Variants in KDM2A observed in about 807,000 individuals in gnomAD.
The protein encoded by KDM2A is lysine-specific demethylase 2A.
KDM2A carries 3 observed loss-of-function variants against 137.3 expected under a neutral mutation model. That is an observed-to-expected ratio of 0.02 (90% CI 0.01 to 0.06). KDM2A has a LOEUF of 0.06. Ranked by LOEUF, KDM2A falls within the 10% of genes least tolerant of loss-of-function variation. KDM2A has a pLI of 1.00. For synonymous variants in KDM2A, 512 were observed against 541.5 expected (o/e 0.95, Z 0.76); for missense variants, 738 against 1,510.6 (o/e 0.49, Z 8.48).
At chr11:67,181,259 TG>T in intron 3 of KDM2A, 60 bp from the exon 4 acceptor site, 1 of 1,064,464 alleles carries the variant, frequency 9.4e-7, no homozygotes, top group Non-Finnish European at 1.4e-6. Context: ...ATCCTTTTTA[TG>T]GTCCTTTTAT....
chr11:67,237,735 G>C (rs1858912018), intron 12 of KDM2A, among the ~76,000 whole-genome samples: 1 of 151,782 alleles, frequency 6.6e-6, no homozygotes, highest in African/African-American at 2.4e-5. Flanking sequence ...ATCACTTAAG[G>C]CCAGGAGTTC....
At chr11:67,122,818 G>C (rs190705459) in intron 2 of KDM2A, among the ~76,000 whole-genome samples, 99 of 151,788 alleles carry the variant, frequency 6.5e-4, no homozygotes, top group African/African-American at 2.2e-3. Context: ...TGGGACTATC[G>C]GCGCCCACCA....
intron 5 of KDM2A, chr11:67,196,836 GCTC>G (rs891918859): frequency 1.2e-5 from 2 of 167,078 alleles, no homozygotes; most frequent in Non-Finnish European, 2.6e-5. Flanking sequence ...ACTGAACTGT[GCTC>G]CTAAAAATGG....
chr11:67,237,172 G>A (rs2136435305), intron 12 of KDM2A, among the ~76,000 whole-genome samples: 1 of 152,278 alleles, frequency 6.6e-6, no homozygotes, highest in South Asian at 2.1e-4. Context: ...TATTTGTGAT[G>A]TAATAGGCTA....
At chr11:67,154,960 A>T (rs995535139) in intron 2 of KDM2A, among the ~76,000 whole-genome samples, 11 of 152,220 alleles carry the variant, frequency 7.2e-5, no homozygotes, top group African/African-American at 1.4e-4. Context: ...AGCTACTGTG[A>T]ATAGTGCTGC....
intron 2 of KDM2A, among the ~76,000 whole-genome samples, chr11:67,121,951 A>G (rs902364174): frequency 3.9e-5 from 6 of 152,174 alleles, no homozygotes; most frequent in African/African-American, 1.4e-4. Flanking sequence ...GAAATTTTAG[A>G]CATGATTTGA....
At chr11:67,226,778 A>G (rs1858559304) in intron 10 of KDM2A, among the ~76,000 whole-genome samples, 1 of 152,168 alleles carries the variant, frequency 6.6e-6, no homozygotes, top group African/African-American at 2.4e-5. Flanking sequence ...ATGTTTATGT[A>G]AAATTAAATG....
chr11:67,166,852 G>A (rs1163962742), intron 2 of KDM2A, among the ~76,000 whole-genome samples: 5 of 152,102 alleles, frequency 3.3e-5, no homozygotes, highest in African/African-American at 1.2e-4. Flanking sequence ...CAAGGCGGGC[G>A]GATCACTTGA....
chr11:67,248,209 C>T lies in KDM2A; in HGVS notation c.1966-72C>T, dbSNP rs968638671. ...TGTTGTTGAGAAATGAGTAACTCTTCCCAACTGTGTTATTGTTGGATAAAG... is the reference window on the plus strand; with the variant it reads ...TGTTGTTGAGAAATGAGTAACTCTTTCCAACTGTGTTATTGTTGGATAAAG... On this transcript the variant is annotated intron_variant, in intron 15 of 20. Transcript: ENST00000529006. The T allele has an allele frequency of 3.6e-6, 4 of 1,119,866 alleles. No individual in the cohort carries two copies. In the African/African-American group the frequency reaches 4.6e-5, roughly 13 times the overall value. 69.4% of individuals were successfully genotyped at this position (1,119,866 alleles called of 1,614,324 possible). A position where few individuals can be genotyped will look rare whatever the true frequency, so the allele number is the denominator to read the frequency against.
At chr11:67,234,357 A>G (rs962673434) in intron 12 of KDM2A, among the ~76,000 whole-genome samples, 1 of 152,236 alleles carries the variant, frequency 6.6e-6, no homozygotes, top group Non-Finnish European at 1.5e-5. Context: ...CTGCAGAGAA[A>G]GGAATTGTTT....
intron 9 of KDM2A, 21 bp from the exon 10 acceptor site, chr11:67,219,267 C>T (rs1458036281): frequency 2.3e-6 from 3 of 1,327,268 alleles, no homozygotes; most frequent in Non-Finnish European, 3.2e-6. Flanking sequence ...CAGCCACTGC[C>T]CTCTGTTCCC....
intron 6 of KDM2A, among the ~76,000 whole-genome samples, chr11:67,211,977 A>C (rs752748576): frequency 1.3e-5 from 2 of 152,132 alleles, no homozygotes; most frequent in Non-Finnish European, 2.9e-5. Context: ...CATTTATATA[A>C]ACTATAGTAT....
intron 6 of KDM2A, among the ~76,000 whole-genome samples, chr11:67,211,149 A>G (rs1857966130): frequency 2.0e-5 from 3 of 152,086 alleles, no homozygotes; most frequent in Non-Finnish European, 4.4e-5. Context: ...CCCATAGTAT[A>G]TCCCTTCATT....
chr11:67,245,818 A>G lies in KDM2A; in HGVS notation c.1834-167A>G. ...AGGTGGTTGAGTCCTCCTCTTCCCC[A>G]GTCATTTTTCCTACCCAAAACCTCC... On this transcript the variant is annotated intron_variant, in intron 14 of 20. Transcript: ENST00000529006. This position sits in a 1 kb window ranked among gnomAD's most constrained non-coding sequence, Gnocchi z 4.1. 1.3e-6 allele frequency: 1 copy of G among 754,244 alleles called. No individual in the cohort carries two copies. The highest frequency in any genetic ancestry group is 2.1e-6 in the Non-Finnish European group (1 of 478,614). 46.7% of individuals were successfully genotyped at this position (754,244 alleles called of 1,614,324 possible).
intron 15 of KDM2A, 26 bp from the exon 16 acceptor site, chr11:67,248,255 T>C: frequency 6.5e-7 from 1 of 1,534,764 alleles, no homozygotes; most frequent in Middle Eastern, 1.7e-4. Context: ...AGACAGGCTT[T>C]TAAAAACATC....
intron 6 of KDM2A, among the ~76,000 whole-genome samples, chr11:67,210,960 G>A (rs916017450): frequency 6.6e-6 from 1 of 152,132 alleles, no homozygotes; most frequent in African/African-American, 2.4e-5. Context: ...GGGAGGCTGA[G>A]GTACAAGAAT....
At chr11:67,188,298 C>G (rs370584337) in intron 5 of KDM2A, among the ~76,000 whole-genome samples, 8 of 151,908 alleles carry the variant, frequency 5.3e-5, no homozygotes, top group African/African-American at 1.7e-4. Context: ...CTGGCTAACA[C>G]GGTGAAACCC....
chr11:67,121,923 A>C (rs1207906041), intron 2 of KDM2A, among the ~76,000 whole-genome samples: 2 of 152,202 alleles, frequency 1.3e-5, no homozygotes, highest in Non-Finnish European at 2.9e-5. Context: ...GGAATGTACG[A>C]GATAGATCTT....
chr11:67,215,679 A>G, intron 7 of KDM2A, 177 bp from the exon 8 acceptor site: 1 of 664,930 alleles, frequency 1.5e-6, no homozygotes. Context: ...CGGTAGAAAA[A>G]AAAAAAACCT....
Sources: allele counts gnomAD v4.1 joint callset (sites outside exome capture counted in the v4.1 genomes callset), GRCh38; gene constraint gnomAD v4.1.1; non-coding constraint Gnocchi (gnomAD v3.1); transcripts MANE v1.5; gene names NCBI Gene and HGNC (gene_info 2026-07-23, HGNC 2026-07-21).